The following PLA2G4E variants were observed in gnomAD, a reference collection of about 807,000 sequenced individuals.
PLA2G4E encodes the protein cytosolic phospholipase A2 epsilon.
In PLA2G4E, 84 loss-of-function variants were observed where a neutral mutation model predicts 109.1. The ratio of observed to expected loss-of-function variants is 0.77; its 90% CI spans 0.65 to 0.92. The LOEUF is 0.92. Ranked by LOEUF, PLA2G4E falls within the 40% of genes least tolerant of loss-of-function variation. The pLI is 0.00. For synonymous variants in PLA2G4E, 469 were observed against 436.1 expected, an observed-to-expected ratio of 1.08 and a Z score of -0.94; for missense variants, 1,057 against 1,076.6, an observed-to-expected ratio of 0.98 and a Z score of 0.25.
At chr15:42,048,786 G>T (rs2141081621) in intron 1 of PLA2G4E, among the ~76,000 whole-genome samples, 1 of 152,348 alleles carries the variant, frequency 6.6e-6, no homozygotes, top group Admixed American at 6.5e-5. Context: ...TACAGGGCTG[G>T]CAAATGACAG....
At chr15:41,984,372 G>C in intron 19 of PLA2G4E, 64 bp downstream of exon 19, 1 of 1,500,094 alleles carries the variant, frequency 6.7e-7, no homozygotes, top group Non-Finnish European at 9.1e-7. Flanking sequence ...AGACTCTACA[G>C]ATCTAAAGGC....
chr15:42,029,726 T>C (rs1051036878), intron 1 of PLA2G4E, among the ~76,000 whole-genome samples: 6 of 152,194 alleles, frequency 3.9e-5, no homozygotes, highest in Non-Finnish European at 8.8e-5. Flanking sequence ...CTTCTCCATC[T>C]GTAAAGTGGG....
At chr15:41,983,727 C>T in exon 20 of PLA2G4E, 2 of 1,545,358 alleles carry the variant, frequency 1.3e-6, no homozygotes, top group East Asian at 2.4e-5. Flanking sequence ...TAGAAGCTGA[C>T]ACAGAACAGG....
At position 42,007,589 on chromosome 15, in the gene PLA2G4E, G is replaced by A. The variant is rs879032408; in HGVS notation, c.393+140C>T. The A allele has an allele frequency of 5.2e-5, 56 of 1,075,632 alleles. No homozygotes were observed. In the South Asian group the frequency reaches 8.1e-4, roughly 16 times the overall value. 66.6% of individuals were successfully genotyped at this position (1,075,632 alleles called of 1,614,324 possible). A position where few individuals can be genotyped will look rare whatever the true frequency, so the allele number is the denominator to read the frequency against. On this transcript the variant is annotated intron_variant, in intron 3 of 19. Coordinates refer to ENST00000399518, the Ensembl canonical transcript of PLA2G4E. The stretch of plus-strand genomic sequence containing the variant: ...AGAAGGAAGTAGTGGGTGTGAGTGG[G>A]AAGACAGGTTTGTAGGACAAGAAGT...
intron 11 of PLA2G4E, among the ~76,000 whole-genome samples, chr15:41,996,359 A>G (rs2068340213): frequency 9.4e-6 from 1 of 106,750 alleles, no homozygotes; most frequent in Non-Finnish European, 2.3e-5. Flanking sequence ...AGAAAAAAAA[A>G]AAAAAAAAAA....
chr15:42,044,106 T>C (rs1424740051), intron 1 of PLA2G4E, among the ~76,000 whole-genome samples: 1 of 152,190 alleles, frequency 6.6e-6, no homozygotes, highest in East Asian at 1.9e-4. Context: ...GTTCCGAGTA[T>C]CAAAATCAAC....
At chr15:42,006,974 C>T (rs770825296) in intron 3 of PLA2G4E, among the ~76,000 whole-genome samples, 22 of 152,122 alleles carry the variant, frequency 1.4e-4, no homozygotes, top group Non-Finnish European at 2.5e-4. Flanking sequence ...TCCTCCCTTA[C>T]CAAACTCACA....
At chr15:42,000,787 G>A (rs2068408306) in intron 7 of PLA2G4E, among the ~76,000 whole-genome samples, 1 of 152,180 alleles carries the variant, frequency 6.6e-6, no homozygotes, top group Admixed American at 6.5e-5. Flanking sequence ...GCTGTGGTCT[G>A]CCTAGAGGAA....
intron 15 of PLA2G4E, among the ~76,000 whole-genome samples, chr15:41,989,156 G>C (rs549881759): frequency 6.6e-6 from 1 of 152,302 alleles, no homozygotes; most frequent in South Asian, 2.1e-4. Flanking sequence ...AGCTAGACGG[G>C]AGTGGGTGGG....
chr15:41,993,633 G>T (rs2141032139), intron 12 of PLA2G4E, among the ~76,000 whole-genome samples: 1 of 152,116 alleles, frequency 6.6e-6, no homozygotes, highest in South Asian at 2.1e-4. Flanking sequence ...CCTCTTCTTG[G>T]CCTGGATCCA....
chr15:42,047,108 G>A (rs185272154), intron 1 of PLA2G4E, among the ~76,000 whole-genome samples: 54 of 152,280 alleles, frequency 3.5e-4, no homozygotes, highest in Admixed American at 1.6e-3. Context: ...TCTGAGACTG[G>A]GTAATTTATA....
intron 5 of PLA2G4E, among the ~76,000 whole-genome samples, chr15:42,003,401 G>C (rs1384010194): frequency 1.3e-5 from 2 of 152,200 alleles, no homozygotes; most frequent in Non-Finnish European, 2.9e-5. Context: ...TGGGATGACA[G>C]GTGCATGCTG....
chr15:42,000,216 T>C (rs1443702966), exon 8 of PLA2G4E: 1 of 1,588,930 alleles, frequency 6.3e-7, no homozygotes, highest in African/African-American at 1.3e-5. Flanking sequence ...GCAGCAGGGT[T>C]CCAAGCAGGG....
chr15:42,043,837 TTATA>T (rs1167662473), intron 1 of PLA2G4E, among the ~76,000 whole-genome samples: 1 of 152,210 alleles, frequency 6.6e-6, no homozygotes, highest in Non-Finnish European at 1.5e-5. Flanking sequence ...GTTGTAAAGA[TTATA>T]TATTATATAT....
chr15:42,011,071 A>T (rs2068530859), intron 2 of PLA2G4E, among the ~76,000 whole-genome samples: 1 of 152,260 alleles, frequency 6.6e-6, no homozygotes, highest in South Asian at 2.1e-4. Flanking sequence ...AATCCAGACC[A>T]GACATGACTG....
intron 1 of PLA2G4E, among the ~76,000 whole-genome samples, chr15:42,044,377 G>A (rs1889374756): frequency 6.6e-6 from 1 of 152,118 alleles, no homozygotes; most frequent in African/African-American, 2.4e-5. Context: ...GCAAGGCGTT[G>A]AGGAGTGGAA....
chr15:42,044,965 C>T (rs1315360934), intron 1 of PLA2G4E, among the ~76,000 whole-genome samples: 1 of 152,026 alleles, frequency 6.6e-6, no homozygotes, highest in Non-Finnish European at 1.5e-5. Context: ...TATTTCTGAG[C>T]AGAACCTACA....
chr15:41,982,666 A>G (rs529406170), exon 20 of PLA2G4E: 46 of 152,500 alleles, frequency 3.0e-4, no homozygotes, highest in African/African-American at 1.1e-3. Flanking sequence ...CTGGCCCCCA[A>G]CCTCATTTAC....
chr15:42,041,340 A>G (rs1889313473), intron 1 of PLA2G4E, among the ~76,000 whole-genome samples: 1 of 152,108 alleles, frequency 6.6e-6, no homozygotes, highest in African/African-American at 2.4e-5. Flanking sequence ...GTTGTTGATG[A>G]ATGGAAATAG....
Sources: gnomAD v4.1 joint callset for allele counts (sites outside exome capture counted in the v4.1 genomes callset) on GRCh38, gnomAD v4.1.1 for gene constraint, MANE v1.5 for transcripts, NCBI Gene and HGNC (gene_info 2026-07-23, HGNC 2026-07-21) for gene names.